RSF1: variants seen among roughly 807,000 people sequenced by gnomAD.
The protein encoded by RSF1 is HBV pX-associated protein 8.
A neutral mutation model predicts 145.2 loss-of-function variants in RSF1; 13 were observed. That is an observed-to-expected ratio of 0.09 (90% CI 0.06 to 0.14). The LOEUF is 0.14. Ranked by LOEUF, RSF1 falls within the 10% of genes least tolerant of loss-of-function variation. The probability of loss-of-function intolerance (pLI) is 1.00; values close to 1 mark genes in which losing one functional copy is unlikely to be tolerated. For synonymous variants in RSF1, 577 were observed against 592.6 expected (o/e 0.97, Z 0.38); for missense variants, 1,517 against 1,718.2 (o/e 0.88, Z 2.07).
chr11:77,708,489 T>C (rs1449965112), intron 5 of RSF1, among the ~76,000 whole-genome samples: 1 of 152,170 alleles, frequency 6.6e-6, no homozygotes, highest in Non-Finnish European at 1.5e-5. Context: ...AGGCCAATCC[T>C]TCCATTAATG....
intron 11 of RSF1, among the ~76,000 whole-genome samples, chr11:77,682,550 ATC>A (rs1216510489): frequency 6.6e-6 from 1 of 152,218 alleles, no homozygotes; most frequent in Non-Finnish European, 1.5e-5. Flanking sequence ...CATGGAAAAA[ATC>A]TCTCTGGTAT....
At chr11:77,741,069 A>G in intron 3 of RSF1, 133 bp from the exon 4 acceptor site, 1 of 675,698 alleles carries the variant, frequency 1.5e-6, no homozygotes, top group Non-Finnish European at 2.6e-6. Flanking sequence ...TTCTTTCACT[A>G]TCCTCTTCCC....
intron 2 of RSF1, among the ~76,000 whole-genome samples, chr11:77,758,338 TG>T (rs1400340637): frequency 6.6e-6 from 1 of 152,204 alleles, no homozygotes; most frequent in East Asian, 1.9e-4. Flanking sequence ...TTCTGTTCAA[TG>T]CAAAATCCAT....
chr11:77,692,221 T>C (rs1306506249), intron 8 of RSF1, among the ~76,000 whole-genome samples: 2 of 141,106 alleles, frequency 1.4e-5, no homozygotes, highest in Non-Finnish European at 3.1e-5. Flanking sequence ...AAATAATTAT[T>C]ACTACTTTTA....
intron 1 of RSF1, among the ~76,000 whole-genome samples, chr11:77,819,889 G>A (rs1017053372): frequency 4.6e-5 from 7 of 152,030 alleles, no homozygotes; most frequent in South Asian, 2.1e-4. Context: ...CCGTGGGGGA[G>A]GAGCAGACCT....
chr11:77,729,895 C>CAAAAAAAAAAAA (rs398045289), intron 4 of RSF1, among the ~76,000 whole-genome samples: 659 of 48,872 alleles, frequency 0.013, 95 homozygotes, highest in East Asian at 0.021. Flanking sequence ...ATTCAGTAGG[C>CAAAAAAAAAAAA]AAAAAAAAAA....
chr11:77,834,446 T>TG, the RSF1 span, among the ~76,000 whole-genome samples: 7 of 147,610 alleles, frequency 4.7e-5, no homozygotes, highest in East Asian at 2.0e-4. Context: ...ATTTTGTTTT[T>TG]TTTTTTTTTT....
At chr11:77,704,112 G>A (rs1436727664) in intron 5 of RSF1, among the ~76,000 whole-genome samples, 1 of 152,188 alleles carries the variant, frequency 6.6e-6, no homozygotes, top group African/African-American at 2.4e-5. Context: ...TGGACAGCAT[G>A]GTGAAACTCT....
intron 8 of RSF1, among the ~76,000 whole-genome samples, chr11:77,692,934 C>A (rs898131266): frequency 6.6e-6 from 1 of 152,138 alleles, no homozygotes; most frequent in Non-Finnish European, 1.5e-5. Context: ...TCTCGGCCTC[C>A]CAAAGTGCTG....
chr11:77,857,062 A>AT, the RSF1 span, among the ~76,000 whole-genome samples: 283 of 152,372 alleles, frequency 1.9e-3, 1 homozygote, highest in African/African-American at 6.4e-3. Context: ...AATAGTGCAT[A>AT]TATCATCACC....
chr11:77,855,510 T>C, the RSF1 span: 4 of 179,748 alleles, frequency 2.2e-5, no homozygotes, highest in Non-Finnish European at 3.5e-5. Flanking sequence ...TTTGTATTTT[T>C]AGTAGAGACG....
intron 1 of RSF1, among the ~76,000 whole-genome samples, chr11:77,815,862 G>A (rs747916551): frequency 6.6e-6 from 1 of 152,150 alleles, no homozygotes; most frequent in Non-Finnish European, 1.5e-5. Flanking sequence ...TCTTACCGGT[G>A]AGGTCTGTTT....
chr11:77,759,986 C>T (rs1948155657), intron 2 of RSF1, among the ~76,000 whole-genome samples: 1 of 151,816 alleles, frequency 6.6e-6, no homozygotes, highest in Admixed American at 6.6e-5. Context: ...ACATAAATTG[C>T]TATGGTACAG....
Position 77,726,269 on chromosome 11 carries a change from C to G in RSF1, c.579-570G>C, listed in dbSNP as rs1187079828. Among the ~76,000 whole-genome samples the G allele has an allele frequency of 2.0e-5, 3 of 152,020 alleles. No individual in the cohort carries two copies. The South Asian group carries it at 6.2e-4, about 32-fold the overall frequency. ...ATGGTTTATAACTGATTCCACAATA[C>G]CAGAAAATTCCAAATAAATAAAAGT... On this transcript the variant is annotated intron_variant, in intron 4 of 15. Coordinates refer to ENST00000308488, the MANE Select transcript of RSF1 (RefSeq NM_016578.4).
intron 3 of RSF1, among the ~76,000 whole-genome samples, chr11:77,742,434 C>A (rs1053276788): frequency 1.3e-5 from 2 of 152,146 alleles, no homozygotes; most frequent in African/African-American, 4.8e-5. Flanking sequence ...GGCGTGCCAC[C>A]ATGCCCAGCT....
chr11:77,776,465 G>A (rs1362907232), intron 1 of RSF1, among the ~76,000 whole-genome samples: 2 of 152,088 alleles, frequency 1.3e-5, no homozygotes, highest in Non-Finnish European at 2.9e-5. Flanking sequence ...GACAAGCAGA[G>A]GTACCTAGAT....
intron 2 of RSF1, among the ~76,000 whole-genome samples, chr11:77,752,977 C>T (rs1183095258): frequency 2.0e-5 from 3 of 152,124 alleles, no homozygotes; most frequent in Non-Finnish European, 2.9e-5. Flanking sequence ...TCTACAAATG[C>T]GATGGCAACA....
rs189902943 is a variant in RSF1, at chr11:77,670,471, T to C, written c.3751+1571A>G. ...AACCCCCTTTTCTCCTTTATTTTTTTCCAAAGCACTCATTTCTAATATATC... is the reference window on the plus strand; with the variant it reads ...AACCCCCTTTTCTCCTTTATTTTTTCCCAAAGCACTCATTTCTAATATATC... On this transcript the variant is annotated intron_variant, in intron 15 of 15. Coordinates refer to ENST00000308488, the MANE Select transcript of RSF1 (RefSeq NM_016578.4). Among the ~76,000 whole-genome samples the C allele has an allele frequency of 1.3e-4, 20 of 152,312 alleles. No homozygotes were observed. The East Asian group carries it at 3.5e-3, about 26-fold the overall frequency.
the RSF1 span, among the ~76,000 whole-genome samples, chr11:77,843,166 C>T: frequency 3.9e-5 from 6 of 152,214 alleles, no homozygotes; most frequent in Non-Finnish European, 5.9e-5. Context: ...TTTTCCACAT[C>T]CTCCTCAACA....
Sources: gnomAD v4.1 joint callset for allele counts (sites outside exome capture counted in the v4.1 genomes callset) on GRCh38, gnomAD v4.1.1 for gene constraint, MANE v1.5 for transcripts, NCBI Gene and HGNC (gene_info 2026-07-23, HGNC 2026-07-21) for gene names.